Variants in LGALS3 observed in about 807,000 individuals in gnomAD.
LGALS3 encodes the protein galectin 3, also known as galectin-3.
A neutral mutation model predicts 20.7 loss-of-function variants in LGALS3; 18 were observed. The observed-to-expected ratio is 0.87, with a 90% confidence interval of 0.60 to 1.29. The LOEUF is 1.29. LGALS3 is among the 50% of genes most tolerant of loss of function. LGALS3 has a pLI of 0.00. For missense variants in LGALS3, 315 were observed against 314.7 expected (o/e 1.00, Z -0.01); for synonymous variants, 112 against 119.6 (o/e 0.94, Z 0.42).
Position 55,145,392 on chromosome 14 carries a change from TAATA to T in LGALS3, c.*126_*129del, listed in dbSNP as rs749266212. 9.9e-6 allele frequency: 15 copies of T among 1,513,716 alleles called. No homozygotes were observed. In the South Asian group the frequency reaches 1.7e-4, roughly 17 times the overall value. 93.8% of individuals were successfully genotyped at this position (1,513,716 alleles called of 1,614,324 possible). A position where few individuals can be genotyped will look rare whatever the true frequency, so the allele number is the denominator to read the frequency against. On this transcript the variant is annotated 3_prime_UTR_variant, in exon 6 of 6. Coordinates refer to ENST00000254301, the MANE Select transcript of LGALS3 (RefSeq NM_002306.4). ...ATATCCCTCTTGTAAGTCATCTACTTAATAAATATTACAGTGAATTACCTGTCTC... is the reference window on the plus strand; with the variant it reads ...ATATCCCTCTTGTAAGTCATCTACTTAATATTACAGTGAATTACCTGTCTC...
At chr14:55,133,115 GAGTA>G (rs886568429) in intron 1 of LGALS3, among the ~76,000 whole-genome samples, 1 of 152,166 alleles carries the variant, frequency 6.6e-6, no homozygotes, top group Non-Finnish European at 1.5e-5. Flanking sequence ...AGTTACAGAT[GAGTA>G]AGTCAGAGAA....
Position 55,138,157 on chromosome 14 carries a change from C to A in LGALS3, c.131C>A (p.Ala44Asp), listed in dbSNP as rs1021922683. 1 of 1,602,338 alleles carries A rather than the reference C, an allele frequency of 6.2e-7. No homozygotes were observed. ...GGYPGASYPG[A>D]YPGQAPPGAY... Reference sequence around the variant, plus strand: ...TACCCAGGGGCTTCCTATCCTGGGGCCTACCCCGGGCAGGCACCCCCAGGG... The same window carrying A: ...TACCCAGGGGCTTCCTATCCTGGGGACTACCCCGGGCAGGCACCCCCAGGG... The change falls in exon 3 of 6, where the codon GCC (alanine) becomes GAC (aspartate). Residue 44 changes from alanine (A) to aspartate (D), a missense_variant. Coordinates refer to ENST00000254301, the MANE Select transcript of LGALS3 (RefSeq NM_002306.4).
In LGALS3 at chr14:55,145,116, A is replaced by G. The variant is rs201096256; in HGVS notation, c.598A>G (p.Ile200Val). ...FPFESGKPFK[I>V]QVLVEPDHFK... ...ACAGTTTATGTATATGCCATTTCAG[A>G]TACAAGTACTGGTTGAACCTGACCA... Residue 200 changes from isoleucine (I) to valine (V), a missense_variant and splice_region_variant, in exon 6 of 6, where the codon ATA becomes GTA. Ile to Val is a conservative substitution (Grantham distance 29, BLOSUM62 3). Coordinates refer to ENST00000254301, the MANE Select transcript of LGALS3 (RefSeq NM_002306.4). 3.7e-6 allele frequency: 6 copies of G among 1,612,524 alleles called. No individual in the cohort carries two copies. Among genetic ancestry groups the G allele is most frequent in the Non-Finnish European group, 5.1e-6 (6 of 1,178,982 alleles).
At chr14:55,143,815 T>C (rs1214782425) in intron 5 of LGALS3, 1 of 152,196 alleles carries the variant, frequency 6.6e-6, no homozygotes, top group African/African-American at 2.4e-5. Context: ...GGAAAGATTT[T>C]ACTAAAATAC....
chr14:55,144,979 G>T, intron 5 of LGALS3, 137 bp from the exon 6 acceptor site: 1 of 680,816 alleles, frequency 1.5e-6, no homozygotes, highest in Non-Finnish European at 2.5e-6. Flanking sequence ...GAAATTAATG[G>T]ACATTTTTTC....
At chr14:55,139,650 G>A (rs187446146) in intron 3 of LGALS3, among the ~76,000 whole-genome samples, 2 of 152,230 alleles carry the variant, frequency 1.3e-5, no homozygotes, top group Non-Finnish European at 1.5e-5. Flanking sequence ...AAATAAAAAG[G>A]TTTGGGTGAT....
In LGALS3 at chr14:55,137,380, G is replaced by A. The variant is rs1264853722; in HGVS notation, c.7G>A (p.Asp3Asn). 8 of 1,613,988 alleles carry A rather than the reference G, an allele frequency of 5.0e-6. No individual in the cohort carries two copies. Among genetic ancestry groups the A allele is most frequent in the Non-Finnish European group, 6.8e-6 (8 of 1,179,960 alleles). ...CTTTGTTTCTTTCAGGAAAATGGCAGACAATTTTTCGGTAAGTGTTTTATG... is the reference window on the plus strand; with the variant it reads ...CTTTGTTTCTTTCAGGAAAATGGCAAACAATTTTTCGGTAAGTGTTTTATG... MA[D>N]NFSLHDALSG... Residue 3 changes from aspartate to asparagine, a missense_variant, in exon 2 of 6, where the codon GAC becomes AAC. Asp to Asn is a conservative substitution (Grantham distance 23). Transcript: ENST00000254301.
rs537210071 is a variant in LGALS3 at position 55,138,141 on chromosome 14, G to A, written c.115G>A (p.Ala39Thr). 1.3e-6 allele frequency: 2 copies of A among 1,583,036 alleles called. No individual in the cohort carries two copies. Among genetic ancestry groups the A allele is most frequent in the African/African-American group, 2.7e-5 (2 of 73,444 alleles). ...QPAGAGGYPG[A>T]SYPGAYPGQA... ...TGCTGGGGCAGGGGGCTACCCAGGG[G>A]CTTCCTATCCTGGGGCCTACCCCGG... The change falls in exon 3 of 6, where the codon GCT (alanine) becomes ACT (threonine). Residue 39 changes from alanine to threonine, a missense_variant. Ala to Thr is a moderately conservative substitution (Grantham distance 58). Coordinates refer to ENST00000254301, the MANE Select transcript of LGALS3 (RefSeq NM_002306.4).
chr14:55,137,972 A>G, intron 2 of LGALS3, 73 bp from the exon 3 acceptor site: 1 of 1,455,948 alleles, frequency 6.9e-7, no homozygotes, highest in Non-Finnish European at 9.1e-7. Flanking sequence ...TAGATCACAT[A>G]TTCCTATTTT....
intron 2 of LGALS3, chr14:55,137,804 G>T (rs531084805): frequency 1.5e-6 from 2 of 1,296,484 alleles, no homozygotes; most frequent in Admixed American, 7.3e-5. Context: ...TTATGAAAAT[G>T]CAGCCCTCCC....
chr14:55,143,441 GAGAC>G (rs1881701431), intron 5 of LGALS3: 1 of 323,086 alleles, frequency 3.1e-6, no homozygotes, highest in South Asian at 2.2e-5. Context: ...TTTTTTTTTC[GAGAC>G]AGAGTCTCGC....
chr14:55,135,870 CT>C (rs1321367641), intron 1 of LGALS3, among the ~76,000 whole-genome samples: 1 of 152,148 alleles, frequency 6.6e-6, no homozygotes, highest in Non-Finnish European at 1.5e-5. Context: ...CAGCCAATAT[CT>C]TGCATTTGAA....
intron 3 of LGALS3, 175 bp downstream of exon 3, chr14:55,138,543 G>C: frequency 1.3e-6 from 1 of 771,392 alleles, no homozygotes; most frequent in Non-Finnish European, 2.3e-6. Context: ...AGTATAAACA[G>C]AAGGTAATGA....
At chr14:55,138,701 T>C (rs1357426360) in intron 3 of LGALS3, among the ~76,000 whole-genome samples, 2 of 152,232 alleles carry the variant, frequency 1.3e-5, no homozygotes, top group African/African-American at 4.8e-5. Flanking sequence ...ATTACCACGC[T>C]ATAAGATACT....
intron 4 of LGALS3, among the ~76,000 whole-genome samples, chr14:55,142,314 A>C (rs1484337011): frequency 6.6e-6 from 1 of 152,212 alleles, no homozygotes; most frequent in Non-Finnish European, 1.5e-5. Flanking sequence ...GGGGCATTAC[A>C]GATGAATGGA....
At chr14:55,144,390 C>T (rs1482124925) in intron 5 of LGALS3, among the ~76,000 whole-genome samples, 5 of 152,216 alleles carry the variant, frequency 3.3e-5, no homozygotes, top group South Asian at 4.1e-4. Flanking sequence ...AAGATCCGCC[C>T]GCCTTTGCCT....
chr14:55,131,801 C>T (rs1311970659), intron 1 of LGALS3, among the ~76,000 whole-genome samples: 6 of 152,222 alleles, frequency 3.9e-5, no homozygotes, highest in Admixed American at 1.3e-4. Flanking sequence ...ACTCTACCTT[C>T]CTTGATGCCA....
At position 55,145,205 on chromosome 14, in the gene LGALS3, T is replaced by C. The variant is rs573198521; in HGVS notation, c.687T>C (p.Asn229=). The change falls in exon 6 of 6, where the codon AAT becomes AAC. Residue 229 remains asparagine, a synonymous_variant. Coordinates refer to ENST00000254301, the MANE Select transcript of LGALS3 (RefSeq NM_002306.4). ...LQYNHRVKKL[N]EISKLGISGD... ...ACAATCATCGGGTTAAAAAACTCAA[T>C]GAAATCAGCAAACTGGGAATTTCTG... is the stretch of plus-strand genomic sequence containing the variant. 63 of 1,613,624 alleles carry C rather than the reference T, an allele frequency of 3.9e-5. No individual in the cohort carries two copies. Among genetic ancestry groups the C allele is most frequent in the Admixed American group, 3.7e-4 (22 of 59,958 alleles).
chr14:55,139,139 C>T (rs1881527201), intron 3 of LGALS3, among the ~76,000 whole-genome samples: 1 of 151,990 alleles, frequency 6.6e-6, no homozygotes, highest in Non-Finnish European at 1.5e-5. Context: ...TTGAGAGGGC[C>T]TATACCAGAG....
Sources: allele counts gnomAD v4.1 joint callset (sites outside exome capture counted in the v4.1 genomes callset), GRCh38; gene constraint gnomAD v4.1.1; transcripts MANE v1.5; gene names NCBI Gene and HGNC (gene_info 2026-07-23, HGNC 2026-07-21).